Variants in ZNF226 observed in about 807,000 individuals in gnomAD.
ZNF226 encodes the protein zinc finger protein 226, also known as Kruppel-associated box protein.
A neutral mutation model predicts 11.4 loss-of-function variants in ZNF226; 6 were observed. That is an observed-to-expected ratio of 0.53 (90% confidence interval 0.29 to 1.04). The LOEUF is 1.04. ZNF226 is among the 50% of genes least tolerant of loss of function. The probability of loss-of-function intolerance (pLI) is 0.08; values close to 1 mark genes in which losing one functional copy is unlikely to be tolerated. For missense variants in ZNF226, 1,058 were observed against 956.5 expected (o/e 1.11, Z -1.40); for synonymous variants, 350 against 322.8 (o/e 1.08, Z -0.90).
chr19:44,190,357 G>A, the ZNF226 span, among the ~76,000 whole-genome samples: 12 of 151,850 alleles, frequency 7.9e-5, no homozygotes, highest in Admixed American at 2.6e-4. Flanking sequence ...TTTTTGAGGC[G>A]GAGTCTCGCT....
Position 44,172,924 on chromosome 19 carries a change from G to A in ZNF226, c.207G>A (p.Thr69=), listed in dbSNP as rs143030063. ...IERNEQLWIM[T]TATRRQGNLG... is the part of the protein sequence containing the mutation. The stretch of plus-strand genomic sequence containing the variant: ...GAAATGAGCAGCTTTGGATAATGAC[G>A]ACAGCAACCCGAAGACAGGGAAATT... The change falls in exon 5 of 6, where the codon ACG becomes ACA. Residue 69 remains threonine (T), a synonymous_variant. Transcript: ENST00000337433. 1.5e-3 allele frequency: 2,338 copies of A among 1,604,538 alleles called. 4 individuals carry two copies. Among genetic ancestry groups the A allele is most frequent in the Non-Finnish European group, 1.7e-3 (2,017 of 1,175,360 alleles).
rs774437676 is a variant in ZNF226 at position 44,172,932 on chromosome 19, C to T, written c.215C>T (p.Thr72Ile). The change falls in exon 5 of 6, where the codon ACC becomes ATC. Residue 72 changes from threonine to isoleucine, a missense_variant. Transcript: ENST00000337433. ...CAGCTTTGGATAATGACGACAGCAA[C>T]CCGAAGACAGGGAAATTTAGGTAAA... ...NEQLWIMTTA[T>I]RRQGNLGEKN... 2 of 1,602,642 alleles carry T rather than the reference C, an allele frequency of 1.2e-6. No homozygotes were observed. The highest frequency in any genetic ancestry group is 1.7e-6 in the Non-Finnish European group (2 of 1,174,374).
chr19:44,190,573 G>C, the ZNF226 span, among the ~76,000 whole-genome samples: 1 of 152,108 alleles, frequency 6.6e-6, no homozygotes, highest in African/African-American at 2.4e-5. Flanking sequence ...CTGACCTCTT[G>C]ATCCGCCCGC....
At chr19:44,188,814 A>G in the ZNF226 span, among the ~76,000 whole-genome samples, 1 of 152,244 alleles carries the variant, frequency 6.6e-6, no homozygotes, top group African/African-American at 2.4e-5. Flanking sequence ...ATAAAATTAC[A>G]TTTATTCAGG....
chr19:44,192,530 A>G, the ZNF226 span, among the ~76,000 whole-genome samples: 1 of 147,784 alleles, frequency 6.8e-6, no homozygotes, highest in Admixed American at 6.7e-5. Flanking sequence ...CTTTCAAAGC[A>G]CCTAAGTAAT....
the ZNF226 span, among the ~76,000 whole-genome samples, chr19:44,196,881 G>A: frequency 6.6e-6 from 1 of 151,970 alleles, no homozygotes; most frequent in Admixed American, 6.6e-5. Context: ...ACTTTAAAAT[G>A]TCCTTGTCCC....
At chr19:44,199,187 G>A in the ZNF226 span, among the ~76,000 whole-genome samples, 1 of 151,640 alleles carries the variant, frequency 6.6e-6, no homozygotes, top group African/African-American at 2.4e-5. Context: ...TGCTGTTGTT[G>A]TTGTTGAGAC....
At chr19:44,174,938 C>G in intron 5 of ZNF226, 1 of 1,585,212 alleles carries the variant, frequency 6.3e-7, no homozygotes, top group Non-Finnish European at 8.6e-7. Context: ...TACAGCTTTT[C>G]AACTTTGCAG....
At chr19:44,172,771 T>C in intron 4 of ZNF226, 89 bp from the exon 5 acceptor site, 1 of 1,001,274 alleles carries the variant, frequency 1.0e-6, no homozygotes, top group East Asian at 2.7e-5. Flanking sequence ...CTGCTTTCAG[T>C]GTCTTGAATG....
At chr19:44,174,893 C>T in intron 5 of ZNF226, 1 of 1,225,486 alleles carries the variant, frequency 8.2e-7, no homozygotes, top group Non-Finnish European at 1.1e-6. Context: ...TTTTTCTCTT[C>T]AGCAATAACT....
chr19:44,181,902 C>T (rs1480719692), downstream of ZNF226, among the ~76,000 whole-genome samples: 5 of 152,032 alleles, frequency 3.3e-5, no homozygotes, highest in African/African-American at 1.2e-4. Flanking sequence ...GGAGGAGTCA[C>T]CAAGTAGAAA....
chr19:44,176,880 T>G lies in ZNF226; in HGVS notation c.1618T>G (p.Phe540Val). 2 of 1,614,014 alleles carry G rather than the reference T, an allele frequency of 1.2e-6. No homozygotes were observed. The highest frequency in any genetic ancestry group is 1.1e-5 in the South Asian group (1 of 91,066). The change falls in exon 6 of 6, where the codon TTC becomes GTC. Residue 540 changes from phenylalanine to valine, a missense_variant. Transcript: ENST00000337433. ...TAAATGTGAGATATGTGGGAAGGGCTTCAGTCAAAGTTCGTATCTTCAAAT... is the reference window on the plus strand; with the variant it reads ...TAAATGTGAGATATGTGGGAAGGGCGTCAGTCAAAGTTCGTATCTTCAAAT... Reference protein sequence around the residue: ...PYKCEICGKGFSQSSYLQIHQ... With the variant: ...PYKCEICGKGVSQSSYLQIHQ...
chr19:44,198,064 C>T, the ZNF226 span, among the ~76,000 whole-genome samples: 3 of 152,076 alleles, frequency 2.0e-5, no homozygotes, highest in Admixed American at 1.3e-4. Context: ...TATACAATAT[C>T]CTCACTTCTT....
chr19:44,185,384 C>T, the ZNF226 span, among the ~76,000 whole-genome samples: 2 of 152,204 alleles, frequency 1.3e-5, no homozygotes, highest in Admixed American at 1.3e-4. Flanking sequence ...CACAGGTCTT[C>T]CAACGTTACA....
At chr19:44,174,771 A>T in intron 5 of ZNF226, 2 of 384,696 alleles carry the variant, frequency 5.2e-6, no homozygotes, top group Non-Finnish European at 9.2e-6. Flanking sequence ...GCTTTCAAAG[A>T]GACAGCATTC....
Position 44,175,606 on chromosome 19 carries a change from A to G in ZNF226, c.344A>G (p.Gln115Arg), listed in dbSNP as rs536778627. ...QQIANDLTRC[Q>R]DSMINNSQCH... ...ATTGCAAATGACTTAACCAGGTGTCAAGACTCCATGATCAATAATTCTCAG... is the reference window on the plus strand; with the variant it reads ...ATTGCAAATGACTTAACCAGGTGTCGAGACTCCATGATCAATAATTCTCAG... Residue 115 changes from glutamine (Q) to arginine (R), a missense_variant, in exon 6 of 6, where the codon CAA becomes CGA. Coordinates refer to ENST00000337433, the MANE Select transcript of ZNF226 (RefSeq NM_001032373.2). 6 of 1,613,918 alleles carry G rather than the reference A, an allele frequency of 3.7e-6. No individual in the cohort carries two copies. In the African/African-American group the frequency reaches 4.0e-5, roughly 11 times the overall value.
downstream of ZNF226, among the ~76,000 whole-genome samples, chr19:44,182,572 CTT>C (rs1197263044): frequency 6.6e-6 from 1 of 152,176 alleles, no homozygotes; most frequent in East Asian, 1.9e-4. Context: ...GGAAGACACT[CTT>C]TGCCAAGGAC....
At position 44,177,571 on chromosome 19, in the gene ZNF226, T is replaced by G; in HGVS notation, c.2309T>G (p.Leu770Arg). The G allele has an allele frequency of 5.0e-6, 8 of 1,614,006 alleles. No individual in the cohort carries two copies. Among genetic ancestry groups the G allele is most frequent in the Non-Finnish European group, 6.8e-6 (8 of 1,179,920 alleles). ...CGKSFSWRSN[L>R]TVHHRIHVGD... ...AAGAGCTTCAGTTGGCGATCAAATC[T>G]TACAGTTCATCACAGAATCCATGTT... Residue 770 changes from leucine (L) to arginine (R), a missense_variant, in exon 6 of 6, where the codon CTT (leucine) becomes CGT (arginine). Leu to Arg is a moderately radical substitution (Grantham distance 102). Coordinates refer to ENST00000337433, the MANE Select transcript of ZNF226 (RefSeq NM_001032373.2).
the ZNF226 span, among the ~76,000 whole-genome samples, chr19:44,191,188 T>C: frequency 6.6e-6 from 1 of 152,200 alleles, no homozygotes; most frequent in Non-Finnish European, 1.5e-5. Flanking sequence ...TAAGAGTACT[T>C]ATTAGAGTCT....
Sources: gnomAD v4.1 joint callset for allele counts (sites outside exome capture counted in the v4.1 genomes callset) on GRCh38, gnomAD v4.1.1 for gene constraint, MANE v1.5 for transcripts, NCBI Gene and HGNC (gene_info 2026-07-23, HGNC 2026-07-21) for gene names.